The following KIRREL3 variants were observed in gnomAD, a reference collection of about 807,000 sequenced individuals.
KIRREL3 encodes the protein kirre like nephrin family adhesion molecule 3, also known as kin of IRRE-like protein 3.
KIRREL3 carries 36 observed loss-of-function variants against 89.7 expected under a neutral mutation model. The ratio of observed to expected loss-of-function variants is 0.40; its 90% CI spans 0.31 to 0.53. The LOEUF is 0.53. Ranked by LOEUF, KIRREL3 falls within the 20% of genes least tolerant of loss-of-function variation. The pLI, the probability that KIRREL3 is intolerant of heterozygous loss-of-function variation, is 0.49. For missense variants in KIRREL3, 864 were observed against 1,056.6 expected (o/e 0.82, Z 2.53); for synonymous variants, 445 against 441.4 (o/e 1.01, Z -0.10).
intron 3 of KIRREL3, among the ~76,000 whole-genome samples, chr11:126,524,600 T>G (rs1405184982): frequency 6.6e-6 from 1 of 152,262 alleles, no homozygotes; most frequent in Non-Finnish European, 1.5e-5. Flanking sequence ...GAAGTGCATT[T>G]ATAAATCATT....
chr11:126,937,806 G>A (rs1255209240), intron 1 of KIRREL3, among the ~76,000 whole-genome samples: 1 of 152,224 alleles, frequency 6.6e-6, no homozygotes, highest in African/African-American at 2.4e-5. Flanking sequence ...GGCTGAGGCA[G>A]GAGAATGGTG....
Position 126,495,174 on chromosome 11 carries a change from G to A in KIRREL3, c.434-21708C>T, listed in dbSNP as rs1335422086. Among the ~76,000 whole-genome samples the A allele has an allele frequency of 2.6e-5, 4 of 152,172 alleles. No individual in the cohort carries two copies. Among genetic ancestry groups the A allele is most frequent in the African/African-American group, 9.7e-5 (4 of 41,438 alleles). ...TGGGGAAGGACTAGCAGGAAGGGAG[G>A]AGACAGATGGAGGAGGACACTTAGG... On this transcript the variant is annotated intron_variant, in intron 4 of 16. Transcript: ENST00000525144. This position sits in a 1 kb window ranked among gnomAD's most constrained non-coding sequence, Gnocchi z 6.5.
In KIRREL3 at chr11:126,441,859, C is replaced by T. The variant is rs1955578485; in HGVS notation, c.1253-1310G>A. 1.3e-5 allele frequency among the ~76,000 whole-genome samples: 2 copies of T among 152,110 alleles called. No homozygotes were observed. The highest frequency in any genetic ancestry group is 2.9e-5 in the Non-Finnish European group (2 of 68,018). ...CTTTAAGAATGGGCTGAGCGCTGCCCTCCTTCCTAAAAATCCTTCAGCTCC... is the reference window on the plus strand; with the variant it reads ...CTTTAAGAATGGGCTGAGCGCTGCCTTCCTTCCTAAAAATCCTTCAGCTCC... On this transcript the variant is annotated intron_variant, in intron 10 of 16. Transcript: ENST00000525144. The surrounding 1 kb of genome is among the most constrained non-coding windows in gnomAD (Gnocchi z 5.0).
Position 126,435,277 on chromosome 11 carries a change from G to T in KIRREL3, c.1579C>A (p.Leu527Met). ...TCATCTCCTTCCGTACCTGCTTCCA[G>T]CCCGGCTCCCGACTTCATTTCCGAA... ...QGSEMKSGAGLEAESVPMAVI... is the reference protein window; with the variant it reads ...QGSEMKSGAGMEAESVPMAVI... Residue 527 changes from leucine (L) to methionine (M), a missense_variant, in exon 13 of 17, where the codon CTG becomes ATG. By Grantham distance (15) the Leu-to-Met change is conservative. Coordinates refer to ENST00000525144, the MANE Select transcript of KIRREL3 (RefSeq NM_032531.4). 6.2e-7 allele frequency: 1 copy of T among 1,613,654 alleles called. No individual in the cohort carries two copies. The highest frequency in any genetic ancestry group is 8.5e-7 in the Non-Finnish European group (1 of 1,179,754).
intron 1 of KIRREL3, among the ~76,000 whole-genome samples, chr11:126,932,627 C>A (rs1204117692): frequency 6.6e-6 from 1 of 152,214 alleles, no homozygotes; most frequent in African/African-American, 2.4e-5. Context: ...CCCCAGCAGG[C>A]TCTTCAGGCC....
At chr11:126,701,101 A>G (rs977742331) in intron 1 of KIRREL3, among the ~76,000 whole-genome samples, 3 of 152,210 alleles carry the variant, frequency 2.0e-5, no homozygotes, top group Non-Finnish European at 2.9e-5. Context: ...CATTTGAACA[A>G]GGTAGCTACA....
At chr11:126,923,242 T>C (rs1267150818) in intron 1 of KIRREL3, among the ~76,000 whole-genome samples, 9 of 58,968 alleles carry the variant, frequency 1.5e-4, no homozygotes, top group Non-Finnish European at 2.5e-4. Flanking sequence ...TTCTTCTTCT[T>C]CTTCTTCTTC....
At chr11:126,980,911 G>T (rs1331900845) in intron 1 of KIRREL3, among the ~76,000 whole-genome samples, 1 of 152,176 alleles carries the variant, frequency 6.6e-6, no homozygotes, top group Non-Finnish European at 1.5e-5. Context: ...CACCAGAATG[G>T]GTGCTAGGAG....
intron 2 of KIRREL3, among the ~76,000 whole-genome samples, chr11:126,552,717 T>C (rs779563873): frequency 6.6e-6 from 1 of 151,944 alleles, no homozygotes; most frequent in Non-Finnish European, 1.5e-5. Context: ...CCTGCCACCA[T>C]GCCCAGCTAA....
Position 126,723,703 on chromosome 11 carries a change from T to C in KIRREL3, c.56-160791A>G, listed in dbSNP as rs1948268104. On this transcript the variant is annotated intron_variant, in intron 1 of 16. Coordinates refer to ENST00000525144, the MANE Select transcript of KIRREL3 (RefSeq NM_032531.4). This position sits in a 1 kb window ranked among gnomAD's most constrained non-coding sequence, Gnocchi z 4.0. ...TAGTACCTAGACCATGATGACATAA[T>C]AATAGATGCAGAATTAATTTTCATT... is the stretch of plus-strand genomic sequence containing the variant. 6.6e-6 allele frequency among the ~76,000 whole-genome samples: 1 copy of C among 152,186 alleles called. No homozygotes were observed. The highest frequency in any genetic ancestry group is 2.4e-5 in the African/African-American group (1 of 41,444).
intron 1 of KIRREL3, among the ~76,000 whole-genome samples, chr11:126,662,992 C>T (rs540975937): frequency 6.8e-6 from 1 of 146,280 alleles, no homozygotes; most frequent in South Asian, 2.3e-4. Context: ...ATCCATACTC[C>T]CTGTTCACTG....
At chr11:126,497,590 T>A (rs1957714039) in intron 4 of KIRREL3, among the ~76,000 whole-genome samples, 1 of 152,238 alleles carries the variant, frequency 6.6e-6, no homozygotes, top group Admixed American at 6.5e-5. Flanking sequence ...CAGGGAACTC[T>A]CTCTGGATGG....
At chr11:126,481,950 C>T (rs886669047) in intron 4 of KIRREL3, among the ~76,000 whole-genome samples, 2 of 152,266 alleles carry the variant, frequency 1.3e-5, no homozygotes, top group South Asian at 2.1e-4. Flanking sequence ...CTTTTCATCA[C>T]TTCTTACCTC....
intron 1 of KIRREL3, among the ~76,000 whole-genome samples, chr11:126,629,390 C>G (rs980538987): frequency 7.2e-5 from 11 of 152,024 alleles, no homozygotes; most frequent in African/African-American, 1.7e-4. Context: ...CTGGGGGGAG[C>G]TCTGGGGGGC....
At chr11:126,452,503 C>CGGGCTG (rs1956214986) in intron 7 of KIRREL3, among the ~76,000 whole-genome samples, 1 of 152,308 alleles carries the variant, frequency 6.6e-6, no homozygotes. Flanking sequence ...CTGTGGGTGC[C>CGGGCTG]GGGCTGGGGC....
intron 1 of KIRREL3, among the ~76,000 whole-genome samples, chr11:126,895,712 G>A (rs572323504): frequency 6.6e-6 from 1 of 152,240 alleles, no homozygotes; most frequent in African/African-American, 2.4e-5. Context: ...CGTGCATGGA[G>A]TGTTGCATTC....
intron 1 of KIRREL3, among the ~76,000 whole-genome samples, chr11:126,849,259 A>C (rs1247294782): frequency 8.9e-6 from 1 of 112,272 alleles, no homozygotes; most frequent in East Asian, 3.1e-4. Flanking sequence ...ATGCCACGGC[A>C]ATGTCAGGAA....
chr11:126,851,894 A>G (rs1476888713), intron 1 of KIRREL3, among the ~76,000 whole-genome samples: 1 of 152,162 alleles, frequency 6.6e-6, no homozygotes, highest in African/African-American at 2.4e-5. Flanking sequence ...TAGCTGCTGT[A>G]AAGCAGACCG....
rs1948904104 is a variant in KIRREL3, at chr11:126,955,753, T to G, written c.55+44702A>C. Among the ~76,000 whole-genome samples the G allele has an allele frequency of 6.6e-6, 1 of 152,212 alleles. No individual in the cohort carries two copies. Among genetic ancestry groups the G allele is most frequent in the African/African-American group, 2.4e-5 (1 of 41,448 alleles). ...TAATGGGATCTAAAAACGAACATGA[T>G]GCTCGTCCTCAGAAAGCTTAGCTCT... is the stretch of plus-strand genomic sequence containing the variant. On this transcript the variant is annotated intron_variant, in intron 1 of 16. Coordinates refer to ENST00000525144, the MANE Select transcript of KIRREL3 (RefSeq NM_032531.4). The surrounding 1 kb of genome is among the most constrained non-coding windows in gnomAD (Gnocchi z 4.6).
Sources: gnomAD v4.1 joint callset for allele counts (sites outside exome capture counted in the v4.1 genomes callset) on GRCh38, gnomAD v4.1.1 for gene constraint, Gnocchi (gnomAD v3.1) non-coding constraint, MANE v1.5 for transcripts, NCBI Gene and HGNC (gene_info 2026-07-23, HGNC 2026-07-21) for gene names.